Variants in AS3MT observed in about 807,000 individuals in gnomAD.
AS3MT encodes the protein S-adenosyl-L-methionine:arsenic(III) methyltransferase.
AS3MT carries 47 observed loss-of-function variants against 45.3 expected under a neutral mutation model. The ratio of observed to expected loss-of-function variants is 1.04; its 90% CI spans 0.82 to 1.32. AS3MT has a LOEUF of 1.32. Among genes scored for constraint, AS3MT ranks in the 40% most tolerant of loss-of-function variants. The pLI, the probability that AS3MT is intolerant of heterozygous loss-of-function variation, is 0.00. For missense variants in AS3MT, 396 were observed against 451.1 expected, an observed-to-expected ratio of 0.88 and a Z score of 1.11; for synonymous variants, 141 against 152.8, an observed-to-expected ratio of 0.92 and a Z score of 0.57.
chr10:102,892,933 T>A (rs933612163), intron 10 of AS3MT, among the ~76,000 whole-genome samples: 1 of 151,364 alleles, frequency 6.6e-6, no homozygotes, highest in African/African-American at 2.4e-5. Flanking sequence ...TGAGACGAGA[T>A]TGAGATGGCG....
chr10:102,889,674 T>TCCC lies in AS3MT; in HGVS notation c.886-868_886-867insCCC, dbSNP rs773811227. On this transcript the variant is annotated intron_variant, in intron 9 of 10. Transcript: ENST00000369880. Reference sequence around the variant, plus strand: ...TTCCTTCCTTCCTTCCCTTCCTCCCTCCACCCCCCCCGCCCCTTTCAGATG... The same window carrying TCCC: ...TTCCTTCCTTCCTTCCCTTCCTCCCTCCCCCACCCCCCCCGCCCCTTTCAGATG... Among the ~76,000 whole-genome samples, 3 of 122,028 alleles carry TCCC rather than the reference T, an allele frequency of 2.5e-5. No individual in the cohort carries two copies. In the East Asian group the frequency reaches 8.5e-4, roughly 34 times the overall value. 80.1% of individuals were successfully genotyped at this position (122,028 alleles called of 152,430 possible).
At chr10:102,891,801 T>G (rs999593694) in intron 10 of AS3MT, among the ~76,000 whole-genome samples, 1 of 151,436 alleles carries the variant, frequency 6.6e-6, no homozygotes, top group African/African-American at 2.4e-5. Flanking sequence ...TACAAAAAAA[T>G]TATCTGGGTA....
chr10:102,884,916 T>C (rs1385932537), intron 9 of AS3MT, among the ~76,000 whole-genome samples: 1 of 152,196 alleles, frequency 6.6e-6, no homozygotes, highest in Admixed American at 6.5e-5. Context: ...TATATTCATA[T>C]AATTTGTACA....
At chr10:102,880,566 CA>C (rs1192765253) in intron 9 of AS3MT, among the ~76,000 whole-genome samples, 1 of 151,962 alleles carries the variant, frequency 6.6e-6, no homozygotes, top group Non-Finnish European at 1.5e-5. Flanking sequence ...AAAAAAGCAA[CA>C]AAAAAACCAG....
intron 10 of AS3MT, among the ~76,000 whole-genome samples, chr10:102,891,948 C>CAAAAAAAAAAA (rs57594880): frequency 3.5e-5 from 2 of 57,862 alleles, no homozygotes; most frequent in African/African-American, 1.4e-4. Flanking sequence ...GACTCTGTCT[C>CAAAAAAAAAAA]AAAAAAAAAA....
intron 5 of AS3MT, 126 bp from the exon 6 acceptor site, chr10:102,874,466 G>A: frequency 1.5e-6 from 1 of 655,802 alleles, no homozygotes; most frequent in South Asian, 1.8e-5. Flanking sequence ...TAGAAAGAGA[G>A]GAGGGAGGCG....
rs1422433254 is a variant in AS3MT at position 102,901,386 on chromosome 10, G to A, written c.*686G>A. 6.6e-6 allele frequency: 1 copy of A among 151,764 alleles called. No individual in the cohort carries two copies. The highest frequency in any genetic ancestry group is 1.5e-5 in the Non-Finnish European group (1 of 68,026). 9.4% of individuals were successfully genotyped at this position (151,764 alleles called of 1,614,324 possible). A position where few individuals can be genotyped will look rare whatever the true frequency, so the allele number is the denominator to read the frequency against. On this transcript the variant is annotated 3_prime_UTR_variant, in exon 11 of 11. Coordinates refer to ENST00000369880, the MANE Select transcript of AS3MT (RefSeq NM_020682.4). Reference sequence around the variant, plus strand: ...TTTTTTGTATTTTTAGTAGAGACGGGGTTTCACCATGTTAGCCAGGATGGT... The same window carrying A: ...TTTTTTGTATTTTTAGTAGAGACGGAGTTTCACCATGTTAGCCAGGATGGT...
chr10:102,883,105 GT>G (rs199951226), intron 9 of AS3MT, among the ~76,000 whole-genome samples: 13,810 of 140,132 alleles, frequency 0.099, 821 homozygotes, highest in East Asian at 0.3. Flanking sequence ...TATATATATG[GT>G]TTTTTTTTTT....
intron 10 of AS3MT, among the ~76,000 whole-genome samples, chr10:102,897,790 G>A (rs1022549900): frequency 6.6e-6 from 1 of 152,172 alleles, no homozygotes. Flanking sequence ...TTTTAAAAAA[G>A]GAGTTAAATG....
intron 9 of AS3MT, among the ~76,000 whole-genome samples, chr10:102,886,307 CCCTT>C (rs1374668758): frequency 2.8e-5 from 4 of 144,054 alleles, no homozygotes; most frequent in Non-Finnish European, 6.1e-5. Context: ...CTCCCTCCCT[CCCTT>C]CTTCCTTCCT....
chr10:102,888,087 C>G, intron 9 of AS3MT: 1 of 165,770 alleles, frequency 6.0e-6, no homozygotes, highest in Non-Finnish European at 1.3e-5. Context: ...TCACTTTAAT[C>G]CTCTCTTGCA....
At position 102,887,522 on chromosome 10, in the gene AS3MT, C is replaced by T. The variant is rs558877099; in HGVS notation, c.886-3022C>T. The stretch of plus-strand genomic sequence containing the variant: ...AGCTCCAATGTTGAGTGCAAAGATA[C>T]TTATATCTTCTTGCTGAATTGACCC... On this transcript the variant is annotated intron_variant, in intron 9 of 10. Transcript: ENST00000369880. 2.2e-4 allele frequency among the ~76,000 whole-genome samples: 33 copies of T among 152,188 alleles called. No individual in the cohort carries two copies. In the South Asian group the frequency reaches 3.5e-3, roughly 16 times the overall value.
At chr10:102,899,640 T>C (rs894697413) in intron 10 of AS3MT, among the ~76,000 whole-genome samples, 23 of 152,030 alleles carry the variant, frequency 1.5e-4, no homozygotes, top group Non-Finnish European at 2.9e-4. Flanking sequence ...AATGAATTCA[T>C]TACCATTATT....
intron 10 of AS3MT, among the ~76,000 whole-genome samples, chr10:102,893,789 G>A (rs1043269788): frequency 6.6e-6 from 1 of 151,876 alleles, no homozygotes; most frequent in African/African-American, 2.4e-5. Context: ...ATGAGCCACT[G>A]TGCCCAGCCC....
intron 10 of AS3MT, among the ~76,000 whole-genome samples, chr10:102,895,285 C>A (rs1333683314): frequency 6.6e-6 from 1 of 151,946 alleles, no homozygotes; most frequent in African/African-American, 2.4e-5. Context: ...GCAGCCTCTG[C>A]CTCCTGGGTT....
At chr10:102,889,685 C>A (rs933762108) in intron 9 of AS3MT, among the ~76,000 whole-genome samples, 2 of 144,188 alleles carry the variant, frequency 1.4e-5, no homozygotes, top group Non-Finnish European at 3.1e-5. Context: ...CCACCCCCCC[C>A]GCCCCTTTCA....
intron 10 of AS3MT, among the ~76,000 whole-genome samples, chr10:102,892,454 A>T (rs1845085542): frequency 6.6e-6 from 1 of 152,118 alleles, no homozygotes; most frequent in Non-Finnish European, 1.5e-5. Flanking sequence ...CCAAATCAAA[A>T]ATGGGCACAC....
chr10:102,888,078 C>A, intron 9 of AS3MT: 1 of 165,324 alleles, frequency 6.0e-6, no homozygotes, highest in South Asian at 1.7e-4. Context: ...CTTTTCCATT[C>A]ACTTTAATCC....
Position 102,901,009 on chromosome 10 carries a change from C to T in AS3MT, c.*309C>T. 1 of 207,790 alleles carries T rather than the reference C, an allele frequency of 4.8e-6. No individual in the cohort carries two copies. Among genetic ancestry groups the T allele is most frequent in the Non-Finnish European group, 9.7e-6 (1 of 103,132 alleles). The allele number at this position is 207,790 out of a possible 1,614,324, so 12.9% of individuals were successfully genotyped here. A position where few individuals can be genotyped will look rare whatever the true frequency, so the allele number is the denominator to read the frequency against. ...GGCTGAGGCAGGAGAATTGCTTGAA[C>T]CCAGGAAGTAGAGGCTGCAGTGAGT... On this transcript the variant is annotated 3_prime_UTR_variant, in exon 11 of 11. Transcript: ENST00000369880.
Sources: allele counts gnomAD v4.1 joint callset (sites outside exome capture counted in the v4.1 genomes callset), GRCh38; gene constraint gnomAD v4.1.1; transcripts MANE v1.5; gene names NCBI Gene and HGNC (gene_info 2026-07-23, HGNC 2026-07-21).